ZNF765: variants seen among roughly 807,000 people sequenced by gnomAD.
ZNF765 encodes the protein zinc finger protein 765.
Under a neutral mutation model 44.7 loss-of-function variants are expected in ZNF765, and 37 were observed. The observed-to-expected ratio is 0.83, with a 90% CI of 0.64 to 1.09. The LOEUF is 1.09. ZNF765 is among the 50% of genes least tolerant of loss of function. ZNF765 has a pLI of 0.00. For missense variants in ZNF765, 594 were observed against 626.1 expected (o/e 0.95, Z 0.55); for synonymous variants, 201 against 213.7 (o/e 0.94, Z 0.52).
chr19:53,407,298 G>T (rs1397663780), intron 3 of ZNF765, among the ~76,000 whole-genome samples: 1 of 152,202 alleles, frequency 6.6e-6, no homozygotes, highest in Non-Finnish European at 1.5e-5. Flanking sequence ...TTCCAACACA[G>T]TACATCATGT....
In ZNF765 at chr19:53,410,896, A is replaced by G. The variant is rs2085827678; in HGVS notation, c.*1769A>G. 2.2e-6 allele frequency: 1 copy of G among 459,530 alleles called. No individual in the cohort carries two copies. Among genetic ancestry groups the G allele is most frequent in the Non-Finnish European group, 4.5e-6 (1 of 223,772 alleles). 28.5% of individuals were successfully genotyped at this position (459,530 alleles called of 1,614,324 possible). A position where few individuals can be genotyped will look rare whatever the true frequency, so the allele number is the denominator to read the frequency against. ...TCACATTCACACCTCACTAGACATC[A>G]GAGAATGCATACTGGACAGAAATCT... On this transcript the variant is annotated 3_prime_UTR_variant, in exon 4 of 4. Transcript: ENST00000396408.
intron 3 of ZNF765, among the ~76,000 whole-genome samples, chr19:53,402,637 C>T (rs1437079637): frequency 6.6e-6 from 1 of 152,134 alleles, no homozygotes; most frequent in Non-Finnish European, 1.5e-5. Context: ...TCATGGCTCA[C>T]TGCAATCTTG....
At chr19:53,404,645 A>G (rs945466830) in intron 3 of ZNF765, among the ~76,000 whole-genome samples, 1 of 151,994 alleles carries the variant, frequency 6.6e-6, no homozygotes, top group African/African-American at 2.4e-5. Context: ...GTGTTTGTGT[A>G]GAAATGGGGT....
At position 53,407,935 on chromosome 19, in the gene ZNF765, A is replaced by G; in HGVS notation, c.380A>G (p.Asp127Gly). ...KKLTGSTERY[D>G]QNYAGNKPVK... The stretch of plus-strand genomic sequence containing the variant: ...TTGACAGGTAGTACAGAGCGATATG[A>G]TCAAAATTATGCTGGAAACAAGCCT... Residue 127 changes from aspartate (D) to glycine (G), a missense_variant, in exon 4 of 4, where the codon GAT (aspartate) becomes GGT (glycine). Physicochemically the swap from Asp to Gly is moderately conservative, Grantham distance 94. Coordinates refer to ENST00000396408, the MANE Select transcript of ZNF765 (RefSeq NM_001040185.3). 1 of 1,614,184 alleles carries G rather than the reference A, an allele frequency of 6.2e-7. No individual in the cohort carries two copies. Among genetic ancestry groups the G allele is most frequent in the Non-Finnish European group, 8.5e-7 (1 of 1,180,034 alleles).
At chr19:53,406,268 A>G (rs2085775452) in intron 3 of ZNF765, among the ~76,000 whole-genome samples, 1 of 151,582 alleles carries the variant, frequency 6.6e-6, no homozygotes, top group South Asian at 2.1e-4. Flanking sequence ...TCACCTCATG[A>G]TCTGCCCACC....
downstream of ZNF765, among the ~76,000 whole-genome samples, chr19:53,414,487 A>ACCACCACCACCACCACCACCACCACCAC (rs1568786107): frequency 5.8e-3 from 11 of 1,910 alleles, 1 homozygote; most frequent in Admixed American, 0.015. Flanking sequence ...ACACACACAC[A>ACCACCACCACCACCACCACCACCACCAC]CACCCCCCCC....
At chr19:53,401,827 G>A in intron 2 of ZNF765, 1 of 1,037,630 alleles carries the variant, frequency 9.6e-7, no homozygotes, top group Non-Finnish European at 1.4e-6. Flanking sequence ...ATTGAGCAGA[G>A]ACTGTGCCAT....
chr19:53,395,583 C>T (rs893254134), intron 1 of ZNF765, among the ~76,000 whole-genome samples: 1 of 152,240 alleles, frequency 6.6e-6, no homozygotes, highest in African/African-American at 2.4e-5. Context: ...CCAAGGAGGC[C>T]GCGTCCTCTG....
Position 53,407,706 on chromosome 19 carries a change from T to G in ZNF765, c.151T>G (p.Ser51Ala), listed in dbSNP as rs370435048. The change falls in exon 4 of 4, where the codon TCC (serine) becomes GCC (alanine). Residue 51 changes from serine (S) to alanine (A), a missense_variant. Physicochemically the swap from Ser to Ala is moderately conservative, Grantham distance 99. Coordinates refer to ENST00000396408, the MANE Select transcript of ZNF765 (RefSeq NM_001040185.3). ...GTGTGTATACTTTTTAGATATCTCT[T>G]CCAAATGCATGATGAAGGAGTTCTC... The part of the protein sequence containing the change: ...YRNLVSLDIS[S>A]KCMMKEFSST... The G allele has an allele frequency of 6.5e-7, 1 of 1,549,034 alleles. No homozygotes were observed. The highest frequency in any genetic ancestry group is 8.7e-7 in the Non-Finnish European group (1 of 1,150,908).
At chr19:53,398,521 AC>A (rs1171475756) in intron 2 of ZNF765, among the ~76,000 whole-genome samples, 4 of 152,286 alleles carry the variant, frequency 2.6e-5, no homozygotes, top group Middle Eastern at 3.4e-3. Context: ...TCTGACTCCA[AC>A]TATCTTACTA....
At chr19:53,395,924 G>A (rs1177433493) in intron 1 of ZNF765, among the ~76,000 whole-genome samples, 1 of 150,380 alleles carries the variant, frequency 6.6e-6, no homozygotes, top group Non-Finnish European at 1.5e-5. Flanking sequence ...CAGAAAAGAA[G>A]AATAAAAAAG....
At chr19:53,401,418 C>G (rs995383811) in intron 2 of ZNF765, among the ~76,000 whole-genome samples, 1 of 151,774 alleles carries the variant, frequency 6.6e-6, no homozygotes, top group African/African-American at 2.4e-5. Context: ...AAAAAATTAG[C>G]TGGGCGTGGT....
At chr19:53,421,965 G>A (rs1161938932) in intron 3 of ZNF765, among the ~76,000 whole-genome samples, 1 of 152,134 alleles carries the variant, frequency 6.6e-6, no homozygotes, top group East Asian at 1.9e-4. Context: ...GTCTCTGTGT[G>A]GCTGTCCTGA....
chr19:53,411,974 C>T lies in ZNF765; in HGVS notation c.*2847C>T, dbSNP rs2085838243. ...TTTTCTGCACAGAAGATCATGTCGT[C>T]TACAAACAAATATAATTTTACTTCT... is the stretch of plus-strand genomic sequence containing the variant. On this transcript the variant is annotated 3_prime_UTR_variant, in exon 4 of 4. Coordinates refer to ENST00000396408, the MANE Select transcript of ZNF765 (RefSeq NM_001040185.3). 1 of 164,126 alleles carries T rather than the reference C, an allele frequency of 6.1e-6. No homozygotes were observed. Among genetic ancestry groups the T allele is most frequent in the Non-Finnish European group, 1.3e-5 (1 of 75,388 alleles). The allele number at this position is 164,126 out of a possible 1,614,324, so 10.2% of individuals were successfully genotyped here.
At chr19:53,402,515 C>T (rs550353533) in intron 3 of ZNF765, among the ~76,000 whole-genome samples, 55 of 152,124 alleles carry the variant, frequency 3.6e-4, no homozygotes, top group Non-Finnish European at 1.2e-4. Flanking sequence ...ACACCTCGGC[C>T]TCCCAAAGTG....
At chr19:53,400,783 T>TATATATATATACAC (rs10664389) in intron 2 of ZNF765, among the ~76,000 whole-genome samples, 1,772 of 126,712 alleles carry the variant, frequency 0.014, 34 homozygotes, top group African/African-American at 0.032. Flanking sequence ...TATATATATA[T>TATATATATATACAC]ACACACATAC....
At chr19:53,406,602 A>T (rs2085778544) in intron 3 of ZNF765, among the ~76,000 whole-genome samples, 2 of 152,202 alleles carry the variant, frequency 1.3e-5, no homozygotes, top group South Asian at 4.1e-4. Context: ...AATATAACTG[A>T]CACAGTCCAC....
chr19:53,415,831 T>A (rs902899515), downstream of ZNF765, among the ~76,000 whole-genome samples: 14 of 152,192 alleles, frequency 9.2e-5, no homozygotes, highest in Non-Finnish European at 8.8e-5. Context: ...CATGTGAAAT[T>A]ACTCTCGTGC....
exon 4 of ZNF765, chr19:53,426,678 T>G (rs2085941584): frequency 6.6e-6 from 1 of 151,690 alleles, no homozygotes; most frequent in African/African-American, 2.4e-5. Context: ...AACCCTACTG[T>G]GAACTGTGCA....
Sources: gnomAD v4.1 joint callset for allele counts (sites outside exome capture counted in the v4.1 genomes callset) on GRCh38, gnomAD v4.1.1 for gene constraint, MANE v1.5 for transcripts, NCBI Gene and HGNC (gene_info 2026-07-23, HGNC 2026-07-21) for gene names.